Variants in C10orf90 observed in about 807,000 individuals in gnomAD.
C10orf90 encodes the protein chromosome 10 open reading frame 90, also known as (E2-independent) E3 ubiquitin-conjugating enzyme FATS.
In C10orf90, 56 loss-of-function variants were observed where a neutral mutation model predicts 62.5. That is an observed-to-expected ratio of 0.90 (90% CI 0.72 to 1.12). C10orf90 has a LOEUF of 1.12. Among genes scored for constraint, C10orf90 ranks in the 50% most tolerant of loss-of-function variants. The probability of loss-of-function intolerance (pLI) is 0.00; values close to 1 mark genes in which losing one functional copy is unlikely to be tolerated. For synonymous variants in C10orf90, 386 were observed against 340.4 expected (o/e 1.13, Z -1.47); for missense variants, 970 against 880.4 (o/e 1.10, Z -1.29).
At chr10:126,661,772 T>A (rs1231499912) in intron 1 of C10orf90, among the ~76,000 whole-genome samples, 2 of 152,184 alleles carry the variant, frequency 1.3e-5, no homozygotes, top group Non-Finnish European at 2.9e-5. Flanking sequence ...AATTTCCATT[T>A]TAGATAGTGT....
Position 126,670,283 on chromosome 10 carries a change from A to G in C10orf90, c.198T>C (p.Cys66=), listed in dbSNP as rs1347923959. ...RRAKVCIIHM[C]QGLKTAEQTA... is the part of the protein sequence containing the mutation. ...TCTGCTCAGCCGTCTTCAAGCCTTGACACATATGGATGATACAAACTTTGG... is the reference window on the plus strand; with the variant it reads ...TCTGCTCAGCCGTCTTCAAGCCTTGGCACATATGGATGATACAAACTTTGG... Residue 66 remains cysteine, a synonymous_variant, in exon 1 of 10, where the codon TGT becomes TGC. Coordinates refer to ENST00000488181, the MANE Select transcript of C10orf90 (RefSeq NM_001350921.2). 2.2e-6 allele frequency: 1 copy of G among 456,554 alleles called. No individual in the cohort carries two copies. Among genetic ancestry groups the G allele is most frequent in the Non-Finnish European group, 4.4e-6 (1 of 226,978 alleles). 28.3% of individuals were successfully genotyped at this position (456,554 alleles called of 1,614,324 possible). A position where few individuals can be genotyped will look rare whatever the true frequency, so the allele number is the denominator to read the frequency against.
intron 2 of C10orf90, among the ~76,000 whole-genome samples, chr10:126,637,899 G>T (rs1439950303): frequency 6.6e-6 from 1 of 152,216 alleles, no homozygotes; most frequent in African/African-American, 2.4e-5. Flanking sequence ...AGATGAGAAT[G>T]AGGAAGGTAC....
intron 2 of C10orf90, chr10:126,521,533 A>G: frequency 4.0e-6 from 5 of 1,247,698 alleles, no homozygotes; most frequent in Non-Finnish European, 5.2e-6. Flanking sequence ...CAACCAGGGG[A>G]GGTGGCATAC....
chr10:126,646,968 TCA>T (rs1036099713), intron 1 of C10orf90, among the ~76,000 whole-genome samples: 1 of 152,198 alleles, frequency 6.6e-6, no homozygotes, highest in Non-Finnish European at 1.5e-5. Context: ...TTCTGGCCCA[TCA>T]CAGTGCTGAA....
At position 126,504,985 on chromosome 10, in the gene C10orf90, A is replaced by C. The variant is rs371033012; in HGVS notation, c.506T>G (p.Leu169Arg). Reference sequence around the variant, plus strand: ...ACGAGACTGAGCAATGGCACACGGTAGGGGCAAGGAGGCCCTGTTTTCTCT... The same window carrying C: ...ACGAGACTGAGCAATGGCACACGGTCGGGGCAAGGAGGCCCTGTTTTCTCT... ...KSRENRASLPLPCAIAQSRAH... is the reference protein window; with the variant it reads ...KSRENRASLPRPCAIAQSRAH... Residue 169 changes from leucine (L) to arginine (R), a missense_variant, in exon 4 of 10, where the codon CTA (leucine) becomes CGA (arginine). Physicochemically the swap from Leu to Arg is moderately radical, Grantham distance 102. Transcript: ENST00000488181. This position sits in a 1 kb window ranked among gnomAD's most constrained non-coding sequence, Gnocchi z 4.1. 2.5e-6 allele frequency: 4 copies of C among 1,614,124 alleles called. No individual in the cohort carries two copies. The African/African-American group carries it at 5.3e-5, about 22-fold the overall frequency.
At chr10:126,629,112 G>A (rs1311041963) in intron 2 of C10orf90, among the ~76,000 whole-genome samples, 9 of 152,212 alleles carry the variant, frequency 5.9e-5, no homozygotes, top group African/African-American at 2.2e-4. Context: ...AGGATTGGAA[G>A]ACAGAAGCAG....
At chr10:126,448,393 A>C (rs1240226887) in intron 7 of C10orf90, among the ~76,000 whole-genome samples, 2 of 152,188 alleles carry the variant, frequency 1.3e-5, no homozygotes, top group East Asian at 3.9e-4. Flanking sequence ...TCTAAGCGTG[A>C]AGTTTATAGC....
intron 7 of C10orf90, among the ~76,000 whole-genome samples, chr10:126,454,607 C>A (rs1859418353): frequency 6.6e-6 from 1 of 151,712 alleles, no homozygotes; most frequent in African/African-American, 2.4e-5. Flanking sequence ...AGGGGCTGTA[C>A]CCCTCCCACC....
chr10:126,498,909 T>A (rs1360859130), intron 4 of C10orf90, among the ~76,000 whole-genome samples: 2 of 152,164 alleles, frequency 1.3e-5, no homozygotes, highest in Non-Finnish European at 2.9e-5. Flanking sequence ...GGATGTCATA[T>A]CCCAGAACAC....
At chr10:126,467,618 C>T (rs1330422701) in intron 4 of C10orf90, among the ~76,000 whole-genome samples, 1 of 152,190 alleles carries the variant, frequency 6.6e-6, no homozygotes, top group Non-Finnish European at 1.5e-5. Flanking sequence ...GAGTCTGACA[C>T]ATGGAGAGGG....
intron 3 of C10orf90, among the ~76,000 whole-genome samples, chr10:126,509,695 A>G (rs987197561): frequency 2.6e-5 from 4 of 152,292 alleles, no homozygotes; most frequent in East Asian, 1.9e-4. Context: ...AAAGTCCCCA[A>G]ACAACAAACT....
Position 126,596,170 on chromosome 10 carries a change from G to A in C10orf90, c.313+50395C>T, listed in dbSNP as rs372657673. On this transcript the variant is annotated intron_variant, in intron 2 of 9. Coordinates refer to ENST00000488181, the MANE Select transcript of C10orf90 (RefSeq NM_001350921.2). ...AAAAAAAAAAAAGCCAGGCATGGTA[G>A]CACACACCTGTAGTCTCAGCTACTC... Among the ~76,000 whole-genome samples, 10 of 149,386 alleles carry A rather than the reference G, an allele frequency of 6.7e-5. No individual in the cohort carries two copies. In the East Asian group the frequency reaches 1.8e-3, roughly 26 times the overall value.
chr10:126,633,567 C>T (rs1845892680), intron 2 of C10orf90, among the ~76,000 whole-genome samples: 1 of 152,190 alleles, frequency 6.6e-6, no homozygotes, highest in East Asian at 1.9e-4. Context: ...AAAGAAAAAG[C>T]CAGGCGTGGG....
At chr10:126,520,030 A>C (rs1255182567) in intron 2 of C10orf90, 1 of 152,264 alleles carries the variant, frequency 6.6e-6, no homozygotes, top group Non-Finnish European at 1.5e-5. Flanking sequence ...GGTTGAGCAA[A>C]AACCAAACGC....
chr10:126,554,042 T>C (rs1305144149), intron 2 of C10orf90, among the ~76,000 whole-genome samples: 1 of 152,040 alleles, frequency 6.6e-6, no homozygotes, highest in Non-Finnish European at 1.5e-5. Context: ...GATTAACATG[T>C]CCACCGAAGA....
At chr10:126,630,040 T>C (rs1845821694) in intron 2 of C10orf90, among the ~76,000 whole-genome samples, 2 of 152,246 alleles carry the variant, frequency 1.3e-5, no homozygotes, top group South Asian at 4.1e-4. Context: ...TTCTTTCCTC[T>C]TAAAATATAG....
intron 7 of C10orf90, among the ~76,000 whole-genome samples, chr10:126,443,969 A>T (rs1345151336): frequency 6.6e-6 from 1 of 152,306 alleles, no homozygotes; most frequent in East Asian, 1.9e-4. Flanking sequence ...GGCAAAATCC[A>T]GCATCACTTT....
At chr10:126,624,070 T>G (rs2804435) in intron 2 of C10orf90, among the ~76,000 whole-genome samples, 89,937 of 151,880 alleles carry the variant, frequency 0.59, 26,905 homozygotes, top group Middle Eastern at 0.71. Context: ...AACTGGGGCC[T>G]AGCGCGGTGG....
chr10:126,660,760 C>G (rs1846493027), intron 1 of C10orf90, among the ~76,000 whole-genome samples: 1 of 152,242 alleles, frequency 6.6e-6, no homozygotes, highest in Admixed American at 6.5e-5. Flanking sequence ...CAGATTGTGT[C>G]TGCCAGATTT....
Sources: gnomAD v4.1 joint callset for allele counts (sites outside exome capture counted in the v4.1 genomes callset) on GRCh38, gnomAD v4.1.1 for gene constraint, Gnocchi (gnomAD v3.1) non-coding constraint, MANE v1.5 for transcripts, NCBI Gene and HGNC (gene_info 2026-07-23, HGNC 2026-07-21) for gene names.